Variants in SLC1A3 observed in about 807,000 individuals in gnomAD.
The protein encoded by SLC1A3 is solute carrier family 1 member 3.
In SLC1A3, 21 loss-of-function variants were observed where a neutral mutation model predicts 48.1. That is an observed-to-expected ratio of 0.44 (90% CI 0.31 to 0.63). The LOEUF (loss-of-function observed/expected upper bound fraction) is 0.63. SLC1A3 is among the 20% of genes least tolerant of loss of function. The pLI, the probability that SLC1A3 is intolerant of heterozygous loss-of-function variation, is 0.08. For missense variants in SLC1A3, 546 were observed against 689.0 expected (o/e 0.79, Z 2.32); for synonymous variants, 239 against 251.4 (o/e 0.95, Z 0.47).
chr5:36,602,941 C>A (rs1281679255), upstream of SLC1A3, among the ~76,000 whole-genome samples: 1 of 152,198 alleles, frequency 6.6e-6, no homozygotes, highest in Non-Finnish European at 1.5e-5. Flanking sequence ...TCAGCCGACC[C>A]CTTCAAGGGC....
chr5:36,671,015 T>C lies in SLC1A3; in HGVS notation c.320-14T>C, dbSNP rs747735420. The C allele has an allele frequency of 1.2e-6, 2 of 1,612,710 alleles. No individual in the cohort carries two copies. Among genetic ancestry groups the C allele is most frequent in the African/African-American group, 2.7e-5 (2 of 74,858 alleles). ...GGACTGACTTCCTGAAAATCTTCTG[T>C]TTGCCTCCACCAGGAATGGCGGCGC... is the stretch of plus-strand genomic sequence containing the variant. On this transcript the variant is annotated splice_polypyrimidine_tract_variant and intron_variant, in intron 3 of 9. Transcript: ENST00000265113.
At chr5:36,666,177 G>A (rs1052366909) in intron 3 of SLC1A3, 12 of 151,898 alleles carry the variant, frequency 7.9e-5, no homozygotes, top group East Asian at 1.9e-4. Flanking sequence ...TAGGACACAC[G>A]GCCCCATTTT....
intron 6 of SLC1A3, 35 bp downstream of exon 6, chr5:36,677,219 G>T: frequency 1.3e-6 from 2 of 1,571,980 alleles, no homozygotes; most frequent in Non-Finnish European, 1.8e-6. Context: ...TGTTATATAC[G>T]AGATGGTTAT....
chr5:36,606,575 T>C (rs1381826147), upstream of SLC1A3: 1 of 152,296 alleles, frequency 6.6e-6, no homozygotes, highest in African/African-American at 2.4e-5. Context: ...TCCCCTTTTC[T>C]TAAGTTGCCC....
chr5:36,631,663 G>A (rs1403605756), intron 3 of SLC1A3, among the ~76,000 whole-genome samples: 1 of 152,240 alleles, frequency 6.6e-6, no homozygotes, highest in African/African-American at 2.4e-5. Context: ...CAAGGAGTCT[G>A]AGGGGCAGAA....
chr5:36,680,397 C>T lies in SLC1A3; in HGVS notation c.1097C>T (p.Ser366Phe), dbSNP rs1288868855. The change falls in exon 8 of 10, where the codon TCT (serine) becomes TTT (phenylalanine). Residue 366 changes from serine (S) to phenylalanine (F), a missense_variant and splice_region_variant. Physicochemically the swap from Ser to Phe is radical, Grantham distance 155 (BLOSUM62 -2). Transcript: ENST00000265113. ...LITALGTSSSSATLPITFKCL... is the reference protein window; with the variant it reads ...LITALGTSSSFATLPITFKCL... Reference sequence around the variant, plus strand: ...GTGCCCTATTTCACTGTTCTCAGTTCTGCCACCCTACCCATCACCTTCAAG... The same window carrying T: ...GTGCCCTATTTCACTGTTCTCAGTTTTGCCACCCTACCCATCACCTTCAAG... The T allele has an allele frequency of 1.2e-6, 2 of 1,613,910 alleles. No homozygotes were observed. Among genetic ancestry groups the T allele is most frequent in the Non-Finnish European group, 8.5e-7 (1 of 1,179,898 alleles).
intron 2 of SLC1A3, chr5:36,613,026 G>A: frequency 2.9e-6 from 1 of 347,620 alleles, no homozygotes; most frequent in Non-Finnish European, 5.7e-6. Context: ...GGTTTAGGTG[G>A]CAGAGTGGCT....
chr5:36,664,203 A>T (rs1015109537), intron 3 of SLC1A3, among the ~76,000 whole-genome samples: 5 of 152,298 alleles, frequency 3.3e-5, no homozygotes, highest in African/African-American at 7.2e-5. Context: ...GCATGATCTC[A>T]GCTCACTGCA....
intron 3 of SLC1A3, among the ~76,000 whole-genome samples, chr5:36,642,755 C>T (rs1351320042): frequency 6.6e-6 from 1 of 152,168 alleles, no homozygotes; most frequent in Non-Finnish European, 1.5e-5. Flanking sequence ...CTCTAGTCTA[C>T]TTTCTTTCTC....
chr5:36,671,052 G>C lies in SLC1A3; in HGVS notation c.343G>C (p.Ala115Pro). ...VTGMAALDSK[A>P]SGKMGMRAVV... is the part of the protein sequence containing the mutation. ...AGGAATGGCGGCGCTAGATAGTAAG[G>C]CATCAGGGAAGATGGGAATGCGAGC... Residue 115 changes from alanine to proline, a missense_variant, in exon 4 of 10, where the codon GCA (alanine) becomes CCA (proline). Transcript: ENST00000265113. 1 of 1,613,958 alleles carries C rather than the reference G, an allele frequency of 6.2e-7. No homozygotes were observed. The highest frequency in any genetic ancestry group is 8.5e-7 in the Non-Finnish European group (1 of 1,179,856).
chr5:36,685,978 G>A (rs1742627378), intron 9 of SLC1A3, 87 bp from the exon 10 acceptor site: 9 of 989,006 alleles, frequency 9.1e-6, no homozygotes, highest in Non-Finnish European at 1.5e-5. Flanking sequence ...GTTAAGAGGT[G>A]CTTCGCTGGC....
intron 2 of SLC1A3, among the ~76,000 whole-genome samples, chr5:36,620,699 G>A (rs1692640769): frequency 6.6e-6 from 1 of 152,140 alleles, no homozygotes; most frequent in Non-Finnish European, 1.5e-5. Flanking sequence ...ATATAGGTCA[G>A]TGAACAAAAC....
At chr5:36,629,821 T>C in intron 3 of SLC1A3, 1 of 518,804 alleles carries the variant, frequency 1.9e-6, no homozygotes, top group Non-Finnish European at 3.5e-6. Context: ...CGTAATCTGG[T>C]TCGCCTCACA....
At chr5:36,614,473 T>A (rs1050860251) in intron 2 of SLC1A3, among the ~76,000 whole-genome samples, 1 of 152,008 alleles carries the variant, frequency 6.6e-6, no homozygotes, top group Non-Finnish European at 1.5e-5. Flanking sequence ...GATGCAGAAA[T>A]GAAAGCCTCA....
At chr5:36,636,787 C>T (rs1429305494) in intron 3 of SLC1A3, among the ~76,000 whole-genome samples, 1 of 151,988 alleles carries the variant, frequency 6.6e-6, no homozygotes, top group African/African-American at 2.4e-5. Flanking sequence ...GAAACCTTCC[C>T]TTTCGAAGGG....
At chr5:36,605,661 A>G (rs1197770763), upstream of SLC1A3, among the ~76,000 whole-genome samples, 1 of 152,198 alleles carries the variant, frequency 6.6e-6, no homozygotes, top group East Asian at 1.9e-4. Context: ...CTAATGAACC[A>G]TTTTCTTCCT....
intron 3 of SLC1A3, among the ~76,000 whole-genome samples, chr5:36,643,019 A>AT (rs1242057939): frequency 1.3e-5 from 2 of 152,218 alleles, no homozygotes; most frequent in Non-Finnish European, 2.9e-5. Context: ...TCCATATTCC[A>AT]TATATGACAT....
intron 8 of SLC1A3, among the ~76,000 whole-genome samples, chr5:36,681,878 G>A (rs1447210621): frequency 6.6e-6 from 1 of 152,040 alleles, no homozygotes; most frequent in Non-Finnish European, 1.5e-5. Context: ...CAGATTTGGG[G>A]GGATTTTTAT....
At chr5:36,667,499 C>G (rs1439474605) in intron 3 of SLC1A3, among the ~76,000 whole-genome samples, 1 of 152,222 alleles carries the variant, frequency 6.6e-6, no homozygotes, top group Non-Finnish European at 1.5e-5. Flanking sequence ...AGAATACTCT[C>G]TTGGAAATGT....
Sources: gnomAD v4.1 joint callset for allele counts (sites outside exome capture counted in the v4.1 genomes callset) on GRCh38, gnomAD v4.1.1 for gene constraint, MANE v1.5 for transcripts, NCBI Gene and HGNC (gene_info 2026-07-23, HGNC 2026-07-21) for gene names.